Variants in PIAS1 observed in about 807,000 individuals in gnomAD.
PIAS1 encodes the protein E3 SUMO-protein ligase PIAS1.
Under a neutral mutation model 71.3 loss-of-function variants are expected in PIAS1, and 6 were observed. The observed-to-expected ratio is 0.08, with a 90% confidence interval of 0.05 to 0.17. PIAS1 has a LOEUF of 0.17. PIAS1 is among the 10% of genes least tolerant of loss of function. The probability of loss-of-function intolerance (pLI) is 1.00; values close to 1 mark genes in which losing one functional copy is unlikely to be tolerated. For missense variants in PIAS1, 555 were observed against 793.6 expected (o/e 0.70, Z 3.61); for synonymous variants, 303 against 292.9 (o/e 1.03, Z -0.35).
rs2093116181 is a variant in PIAS1, at chr15:68,190,828, C to T, written c.*2993C>T. ...TATTTTGAGCATTAAAATTGCTTTA[C>T]TAATTATTTAGACATGATCACAATT... is the stretch of plus-strand genomic sequence containing the variant. On this transcript the variant is annotated 3_prime_UTR_variant, in exon 14 of 14. Transcript: ENST00000249636. The surrounding 1 kb of genome is among the most constrained non-coding windows in gnomAD (Gnocchi z 4.7). 1 of 151,946 alleles carries T rather than the reference C, an allele frequency of 6.6e-6. No homozygotes were observed. The highest frequency in any genetic ancestry group is 1.9e-4 in the East Asian group (1 of 5,186). 9.4% of individuals were successfully genotyped at this position (151,946 alleles called of 1,614,324 possible). A position where few individuals can be genotyped will look rare whatever the true frequency, so the allele number is the denominator to read the frequency against.
At position 68,193,108 on chromosome 15, in the gene PIAS1, T is replaced by G. The variant is rs1289962242; in HGVS notation, c.*5273T>G. The G allele has an allele frequency of 6.6e-6, 1 of 152,300 alleles. No homozygotes were observed. The highest frequency in any genetic ancestry group is 1.5e-5 in the Non-Finnish European group (1 of 68,112). 9.4% of individuals were successfully genotyped at this position (152,300 alleles called of 1,614,324 possible). A position where few individuals can be genotyped will look rare whatever the true frequency, so the allele number is the denominator to read the frequency against. Reference sequence around the variant, plus strand: ...ACATCCCCTTATTTCTCTCCGTAAGTCCTGGGGAGGTGGCTTAAGGCAATG... The same window carrying G: ...ACATCCCCTTATTTCTCTCCGTAAGGCCTGGGGAGGTGGCTTAAGGCAATG... On this transcript the variant is annotated 3_prime_UTR_variant, in exon 14 of 14. Coordinates refer to ENST00000249636, the MANE Select transcript of PIAS1 (RefSeq NM_016166.3).
intron 2 of PIAS1, among the ~76,000 whole-genome samples, chr15:68,103,879 C>G (rs1289607888): frequency 6.6e-6 from 1 of 152,182 alleles, no homozygotes; most frequent in Non-Finnish European, 1.5e-5. Context: ...GTTGTTTCCA[C>G]TTTTTGGCTA....
intron 1 of PIAS1, among the ~76,000 whole-genome samples, chr15:68,075,138 G>A (rs1163273143): frequency 2.3e-5 from 3 of 130,052 alleles, no homozygotes; most frequent in East Asian, 2.2e-4. Flanking sequence ...AGGCTGGAGC[G>A]AAGTGGCGTG....
intron 2 of PIAS1, among the ~76,000 whole-genome samples, chr15:68,140,822 C>T (rs553383101): frequency 6.6e-6 from 1 of 152,138 alleles, no homozygotes; most frequent in South Asian, 2.1e-4. Flanking sequence ...CCCCAGAAGC[C>T]GATAGTTTCT....
chr15:68,127,695 A>G (rs1190980003), intron 2 of PIAS1, among the ~76,000 whole-genome samples: 1 of 152,206 alleles, frequency 6.6e-6, no homozygotes, highest in African/African-American at 2.4e-5. Context: ...GTAAAAGAAG[A>G]TGATGTGCTA....
At chr15:68,152,677 T>C (rs529804439) in intron 6 of PIAS1, among the ~76,000 whole-genome samples, 44 of 152,324 alleles carry the variant, frequency 2.9e-4, no homozygotes, top group African/African-American at 1.0e-3. Context: ...TGTGTGTAGC[T>C]ATAAAATACA....
intron 11 of PIAS1, among the ~76,000 whole-genome samples, chr15:68,179,808 C>G (rs1022814871): frequency 4.6e-5 from 7 of 151,690 alleles, no homozygotes; most frequent in Non-Finnish European, 1.0e-4. Flanking sequence ...AAACTCCCAA[C>G]CTCAGGTGAT....
intron 2 of PIAS1, among the ~76,000 whole-genome samples, chr15:68,138,378 C>T (rs1008016290): frequency 6.6e-6 from 1 of 152,108 alleles, no homozygotes; most frequent in African/African-American, 2.4e-5. Context: ...ACATTATCCT[C>T]CCATTGGGAT....
At chr15:68,067,951 ATGT>A (rs779567143) in intron 1 of PIAS1, among the ~76,000 whole-genome samples, 1 of 152,192 alleles carries the variant, frequency 6.6e-6, no homozygotes. Context: ...ATTATTTGTA[ATGT>A]TGTCTTAAAA....
At position 68,140,420 on chromosome 15, in the gene PIAS1, C is replaced by G. The variant is rs145030824; in HGVS notation, c.470-1526C>G. Reference sequence around the variant, plus strand: ...GAAGTTAGTTACTTGCATTGCCTGACAGAGGGAAATGTTAGCTGGTTTTCT... The same window carrying G: ...GAAGTTAGTTACTTGCATTGCCTGAGAGAGGGAAATGTTAGCTGGTTTTCT... On this transcript the variant is annotated intron_variant, in intron 2 of 13. Coordinates refer to ENST00000249636, the MANE Select transcript of PIAS1 (RefSeq NM_016166.3). 9.2e-5 allele frequency among the ~76,000 whole-genome samples: 14 copies of G among 152,272 alleles called. No individual in the cohort carries two copies. In the East Asian group the frequency reaches 2.3e-3, roughly 25 times the overall value.
chr15:68,105,880 G>A (rs983732790), intron 2 of PIAS1, among the ~76,000 whole-genome samples: 1 of 151,958 alleles, frequency 6.6e-6, no homozygotes, highest in Non-Finnish European at 1.5e-5. Flanking sequence ...ATAGTGGCTT[G>A]TTACATCTCT....
At chr15:68,078,246 A>G (rs1597139611) in intron 1 of PIAS1, among the ~76,000 whole-genome samples, 1 of 152,232 alleles carries the variant, frequency 6.6e-6, no homozygotes, top group Non-Finnish European at 1.5e-5. Flanking sequence ...ACCTGTTTGT[A>G]GAATATTGAA....
chr15:68,057,266 A>G, intron 1 of PIAS1, among the ~76,000 whole-genome samples: 1 of 152,192 alleles, frequency 6.6e-6, no homozygotes, highest in East Asian at 1.9e-4. Flanking sequence ...TTAATTTTTC[A>G]TTAGGGGAGT....
At chr15:68,095,387 G>T (rs1182628398) in intron 2 of PIAS1, among the ~76,000 whole-genome samples, 1 of 152,046 alleles carries the variant, frequency 6.6e-6, no homozygotes, top group Non-Finnish European at 1.5e-5. Context: ...TAATCATGGG[G>T]CATGTGGTCA....
At chr15:68,170,785 C>T (rs546029297) in intron 8 of PIAS1, among the ~76,000 whole-genome samples, 21 of 152,084 alleles carry the variant, frequency 1.4e-4, no homozygotes, top group Middle Eastern at 6.8e-3. Flanking sequence ...GGATCCCAGA[C>T]GTGTGCCACC....
Position 68,054,887 on chromosome 15 carries a change from G to C in PIAS1, c.24+537G>C, listed in dbSNP as rs2091878842. ...CCCCGCCCCGGACTCGGCTTTCCCCGGCTGCTCGCTTGTCAGGAAGCGCCT... is the reference window on the plus strand; with the variant it reads ...CCCCGCCCCGGACTCGGCTTTCCCCCGCTGCTCGCTTGTCAGGAAGCGCCT... On this transcript the variant is annotated intron_variant, in intron 1 of 13. Coordinates refer to ENST00000249636, the MANE Select transcript of PIAS1 (RefSeq NM_016166.3). The surrounding 1 kb of genome is among the most constrained non-coding windows in gnomAD (Gnocchi z 4.6). 1 of 152,324 alleles carries C rather than the reference G, an allele frequency of 6.6e-6. No individual in the cohort carries two copies. The highest frequency in any genetic ancestry group is 1.5e-5 in the Non-Finnish European group (1 of 68,130). 9.4% of individuals were successfully genotyped at this position (152,324 alleles called of 1,614,324 possible).
At chr15:68,179,016 T>C (rs2093036742) in intron 11 of PIAS1, among the ~76,000 whole-genome samples, 1 of 152,192 alleles carries the variant, frequency 6.6e-6, no homozygotes, top group South Asian at 2.1e-4. Context: ...CTCTCTCTAT[T>C]TGCAGATAAA....
rs1192274213 is a variant in PIAS1 at position 68,173,955 on chromosome 15, C to T, written c.1169+63C>T. The T allele has an allele frequency of 2.8e-6, 3 of 1,078,686 alleles. No individual in the cohort carries two copies. Among genetic ancestry groups the T allele is most frequent in the East Asian group, 2.9e-5 (1 of 34,498 alleles). 66.8% of individuals were successfully genotyped at this position (1,078,686 alleles called of 1,614,324 possible). A position where few individuals can be genotyped will look rare whatever the true frequency, so the allele number is the denominator to read the frequency against. On this transcript the variant is annotated intron_variant, in intron 9 of 13. Transcript: ENST00000249636. This position sits in a 1 kb window ranked among gnomAD's most constrained non-coding sequence, Gnocchi z 4.3. ...CCATATATTATCTGGGTTTGTTACACATCAGATTTGGGATGAAAATTCTAA... is the reference window on the plus strand; with the variant it reads ...CCATATATTATCTGGGTTTGTTACATATCAGATTTGGGATGAAAATTCTAA...
intron 1 of PIAS1, among the ~76,000 whole-genome samples, chr15:68,060,598 G>T (rs1033903320): frequency 6.6e-6 from 1 of 152,066 alleles, no homozygotes; most frequent in Admixed American, 6.5e-5. Flanking sequence ...GGGCGACAGA[G>T]TGAGACTCCG....
Sources: gnomAD v4.1 joint callset for allele counts (sites outside exome capture counted in the v4.1 genomes callset) on GRCh38, gnomAD v4.1.1 for gene constraint, Gnocchi (gnomAD v3.1) non-coding constraint, MANE v1.5 for transcripts, NCBI Gene and HGNC (gene_info 2026-07-23, HGNC 2026-07-21) for gene names.